Variants in RUBCN observed in about 807,000 individuals in gnomAD.
RUBCN encodes the protein rubicon autophagy regulator.
A neutral mutation model predicts 113.2 loss-of-function variants in RUBCN; 74 were observed. That is an observed-to-expected ratio of 0.65 (90% confidence interval 0.54 to 0.79). The LOEUF (loss-of-function observed/expected upper bound fraction) is 0.79, where lower values mean the gene tolerates loss of function less well. Ranked by LOEUF, RUBCN falls within the 30% of genes least tolerant of loss-of-function variation. The pLI, the probability that RUBCN is intolerant of heterozygous loss-of-function variation, is 0.00. For missense variants in RUBCN, 1,109 were observed against 1,251.7 expected, an observed-to-expected ratio of 0.89 and a Z score of 1.72; for synonymous variants, 480 against 490.0, an observed-to-expected ratio of 0.98 and a Z score of 0.27.
chr3:197,704,931 C>CA (rs1213439625), intron 3 of RUBCN, among the ~76,000 whole-genome samples, 161 bp downstream of exon 3: 1 of 151,158 alleles, frequency 6.6e-6, no homozygotes, highest in Non-Finnish European at 1.5e-5. Context: ...TTTTTTTAAG[C>CA]AAATAAAGTC....
chr3:197,735,354 A>C (rs1727999806), intron 1 of RUBCN, among the ~76,000 whole-genome samples: 1 of 152,244 alleles, frequency 6.6e-6, no homozygotes, highest in Admixed American at 6.5e-5. Flanking sequence ...AGCCGTGTTC[A>C]CGGCACTGCG....
intron 7 of RUBCN, chr3:197,699,293 G>A: frequency 8.9e-6 from 11 of 1,229,578 alleles, no homozygotes; most frequent in Admixed American, 6.5e-5. Context: ...TACAGAGAGA[G>A]AAAAAAAGTG....
chr3:197,730,732 G>A (rs1036887457), intron 1 of RUBCN, among the ~76,000 whole-genome samples: 17 of 151,868 alleles, frequency 1.1e-4, no homozygotes, highest in African/African-American at 4.1e-4. Context: ...AGTGTATCAA[G>A]TGAATGAGAA....
intron 1 of RUBCN, among the ~76,000 whole-genome samples, chr3:197,745,551 G>A (rs112942157): frequency 0.016 from 2,452 of 152,010 alleles, 47 homozygotes; most frequent in Non-Finnish European, 0.025. Flanking sequence ...GGAGGCAGAG[G>A]TTGTGGTGAG....
chr3:197,705,687 A>G (rs1724223167), intron 2 of RUBCN, among the ~76,000 whole-genome samples: 1 of 152,142 alleles, frequency 6.6e-6, no homozygotes, highest in African/African-American at 2.4e-5. Flanking sequence ...TTGAACAGGT[A>G]ACATATGCAT....
At position 197,680,120 on chromosome 3, in the gene RUBCN, T is replaced by C. The variant is rs1424233724; in HGVS notation, c.2430+1009A>G. ...CTGTCCTGTGCTCTGACAACTGGCT[T>C]CAGACTGTCCTACGCTCTGACAACT... On this transcript the variant is annotated intron_variant, in intron 16 of 19. Transcript: ENST00000296343. 1.7e-3 allele frequency among the ~76,000 whole-genome samples: 186 copies of C among 110,966 alleles called. 2 individuals carry two copies. The highest frequency in any genetic ancestry group is 3.2e-3 in the Admixed American group (34 of 10,712). 72.8% of individuals were successfully genotyped at this position (110,966 alleles called of 152,430 possible).
chr3:197,698,964 A>C (rs1723324966), intron 7 of RUBCN, among the ~76,000 whole-genome samples: 1 of 152,028 alleles, frequency 6.6e-6, no homozygotes, highest in Non-Finnish European at 1.5e-5. Context: ...ATAAGTCTTG[A>C]CTCTGCCTCC....
chr3:197,747,371 G>A (rs974908738), intron 1 of RUBCN, among the ~76,000 whole-genome samples: 3 of 151,558 alleles, frequency 2.0e-5, no homozygotes, highest in African/African-American at 7.3e-5. Context: ...TGGGGGAGAA[G>A]ATCAGGATAA....
upstream of RUBCN, among the ~76,000 whole-genome samples, chr3:197,740,622 CTCTT>C (rs202150093): frequency 8.9e-3 from 1,356 of 151,922 alleles, 8 homozygotes; most frequent in Middle Eastern, 0.021. Context: ...GAAATATATT[CTCTT>C]TCTTTTTTTT....
chr3:197,678,686 G>A (rs972058155), intron 16 of RUBCN, among the ~76,000 whole-genome samples: 1 of 148,024 alleles, frequency 6.8e-6, no homozygotes, highest in African/African-American at 2.5e-5. Flanking sequence ...TCTGACAACT[G>A]GCTCCAGACT....
rs769467756 is a variant in RUBCN at position 197,705,174 on chromosome 3, G to A, written c.221C>T (p.Ala74Val). 26 of 1,613,546 alleles carry A rather than the reference G, an allele frequency of 1.6e-5. No homozygotes were observed. Among genetic ancestry groups the A allele is most frequent in the African/African-American group, 1.3e-4 (10 of 74,932 alleles). ...ILYHGLIRDQ[A>V]CRRQTDYWQF... ...CCAGTAATCCGTCTGGCGGCGGCAC[G>A]CCTGCAAAGGGAACACATACAATGA... The change falls in exon 3 of 20, where the codon GCG (alanine) becomes GTG (valine). Residue 74 changes from alanine (A) to valine (V), a missense_variant and splice_region_variant. Physicochemically the swap from Ala to Val is moderately conservative, Grantham distance 64 (BLOSUM62 0). Transcript: ENST00000296343.
intron 1 of RUBCN, among the ~76,000 whole-genome samples, chr3:197,743,339 G>A (rs1453842796): frequency 6.6e-6 from 1 of 152,042 alleles, no homozygotes; most frequent in Non-Finnish European, 1.5e-5. Context: ...AGTTTCTTAA[G>A]GGCAGCAGCT....
At chr3:197,695,499 G>A (rs1284738684) in intron 9 of RUBCN, among the ~76,000 whole-genome samples, 1 of 152,188 alleles carries the variant, frequency 6.6e-6, no homozygotes, top group Non-Finnish European at 1.5e-5. Flanking sequence ...TACTCGGGAG[G>A]CTGAGGCGGG....
intron 2 of RUBCN, among the ~76,000 whole-genome samples, chr3:197,717,177 G>C (rs1203214254): frequency 2.0e-5 from 3 of 150,490 alleles, no homozygotes; most frequent in Non-Finnish European, 4.4e-5. Context: ...GCTCACGCCT[G>C]TAATCCCAGC....
In RUBCN at chr3:197,694,592, G is replaced by T; in HGVS notation, c.1474-7C>A. 6.2e-7 allele frequency: 1 copy of T among 1,611,310 alleles called. No individual in the cohort carries two copies. Among genetic ancestry groups the T allele is most frequent in the Non-Finnish European group, 8.5e-7 (1 of 1,177,404 alleles). ...TGCTGAAGTGGGCATTCTCCTGGCG[G>T]AAGGAGAGCACCAAACAGGCAAAGG... On this transcript the variant is annotated splice_polypyrimidine_tract_variant and splice_region_variant and intron_variant, in intron 9 of 19. Transcript: ENST00000296343.
intron 18 of RUBCN, chr3:197,676,438 C>T (rs569926827): frequency 2.2e-5 from 15 of 680,340 alleles, no homozygotes; most frequent in Middle Eastern, 7.1e-4. Flanking sequence ...CTCAGCCTCC[C>T]GAGTAGCTGG....
At chr3:197,676,275 G>A (rs888630272) in intron 18 of RUBCN, 1 of 991,884 alleles carries the variant, frequency 1.0e-6, no homozygotes, top group Non-Finnish European at 1.2e-6. Context: ...GACGGCCGAG[G>A]GTAGACTCCC....
intron 3 of RUBCN, 76 bp from the exon 4 acceptor site, chr3:197,704,777 A>C: frequency 1.4e-6 from 2 of 1,436,372 alleles, no homozygotes; most frequent in Non-Finnish European, 9.8e-7. Flanking sequence ...TGACCTGAGA[A>C]CTAAATTGAG....
chr3:197,708,167 GCT>G (rs909540590), intron 2 of RUBCN, among the ~76,000 whole-genome samples: 2 of 151,086 alleles, frequency 1.3e-5, no homozygotes, highest in Non-Finnish European at 2.9e-5. Flanking sequence ...ACGGAGTCTT[GCT>G]CTGTCACCCA....
Sources: gnomAD v4.1 joint callset for allele counts (sites outside exome capture counted in the v4.1 genomes callset) on GRCh38, gnomAD v4.1.1 for gene constraint, MANE v1.5 for transcripts, NCBI Gene and HGNC (gene_info 2026-07-23, HGNC 2026-07-21) for gene names.